Variants in RALGAPA2 observed in about 807,000 individuals in gnomAD.
The protein encoded by RALGAPA2 is ral GTPase-activating protein subunit alpha-2.
Under a neutral mutation model 230.4 loss-of-function variants are expected in RALGAPA2, and 139 were observed. The ratio of observed to expected loss-of-function variants is 0.60; its 90% confidence interval spans 0.53 to 0.69. The LOEUF (loss-of-function observed/expected upper bound fraction) is 0.69. Ranked by LOEUF, RALGAPA2 falls within the 30% of genes least tolerant of loss-of-function variation. RALGAPA2 has a pLI of 0.00. For synonymous variants in RALGAPA2, 847 were observed against 837.8 expected, an observed-to-expected ratio of 1.01 and a Z score of -0.19; for missense variants, 2,163 against 2,276.0, an observed-to-expected ratio of 0.95 and a Z score of 1.01.
chr20:20,420,666 A>C (rs1043928791), intron 37 of RALGAPA2, among the ~76,000 whole-genome samples: 5 of 152,160 alleles, frequency 3.3e-5, no homozygotes, highest in African/African-American at 1.2e-4. Context: ...GGCACTACAC[A>C]CAAGGAGGCA....
chr20:20,440,073 A>G (rs759664344), intron 37 of RALGAPA2, among the ~76,000 whole-genome samples: 35 of 152,192 alleles, frequency 2.3e-4, no homozygotes, highest in Non-Finnish European at 4.7e-4. Context: ...ATTTTCTTTT[A>G]TATCTCCACA....
intron 16 of RALGAPA2, 50 bp from the exon 17 acceptor site, chr20:20,591,364 A>G: frequency 6.4e-7 from 1 of 1,563,232 alleles, no homozygotes; most frequent in Non-Finnish European, 8.7e-7. Context: ...TTTTTAAAAA[A>G]CACATTCACC....
At position 20,532,911 on chromosome 20, in the gene RALGAPA2, C is replaced by T. The variant is rs554879051; in HGVS notation, c.3474-1116G>A. ...CATGCACTATTCAGGAAAAGAGTAA[C>T]GAGAGACTAGCTGCAGGCTTGGTAA... On this transcript the variant is annotated intron_variant, in intron 26 of 39. Coordinates refer to ENST00000202677, the MANE Select transcript of RALGAPA2 (RefSeq NM_020343.4). Among the ~76,000 whole-genome samples, 25 of 151,790 alleles carry T rather than the reference C, an allele frequency of 1.6e-4. No homozygotes were observed. The South Asian group carries it at 4.2e-3, about 25-fold the overall frequency.
chr20:20,506,074 C>G lies in RALGAPA2; in HGVS notation c.4929-540G>C, dbSNP rs369306134. 5.9e-5 allele frequency among the ~76,000 whole-genome samples: 9 copies of G among 152,196 alleles called. No homozygotes were observed. The East Asian group carries it at 1.7e-3, about 30-fold the overall frequency. On this transcript the variant is annotated intron_variant, in intron 33 of 39. Transcript: ENST00000202677. The stretch of plus-strand genomic sequence containing the variant: ...ATGAGAAAAAGAAGATCCTTCCAAG[C>G]GAACACACTTAGGTATTTTCTTCAT...
intron 35 of RALGAPA2, among the ~76,000 whole-genome samples, chr20:20,500,476 A>T (rs1284253775): frequency 2.6e-5 from 4 of 152,262 alleles, no homozygotes; most frequent in Non-Finnish European, 5.9e-5. Context: ...ATCCATAAGA[A>T]GCAACTTTTC....
At chr20:20,640,581 G>T in intron 6 of RALGAPA2, 120 bp downstream of exon 6, 1 of 953,972 alleles carries the variant, frequency 1.0e-6, no homozygotes, top group Non-Finnish European at 1.6e-6. Flanking sequence ...GAATATGAAA[G>T]GGGAATAATT....
At chr20:20,497,815 T>G (rs1055962619) in intron 35 of RALGAPA2, among the ~76,000 whole-genome samples, 7 of 152,186 alleles carry the variant, frequency 4.6e-5, no homozygotes, top group Non-Finnish European at 7.3e-5. Flanking sequence ...GGAAGAGCAA[T>G]TTTTGTGTGG....
rs370909570 is a variant in RALGAPA2, at chr20:20,629,528, C to T, written c.1068G>A (p.Glu356=). The change falls in exon 10 of 40, where the codon GAG becomes GAA. Residue 356 remains glutamate (E), a synonymous_variant. Transcript: ENST00000202677. ...APELDGGGPT[E]QDKSHSNSST... ...TGCTGTTAGAATGGCTTTTGTCCTGCTCCGTGGGCCCACCACCATCCAGCT... is the reference window on the plus strand; with the variant it reads ...TGCTGTTAGAATGGCTTTTGTCCTGTTCCGTGGGCCCACCACCATCCAGCT... 2.6e-5 allele frequency: 42 copies of T among 1,613,826 alleles called. No individual in the cohort carries two copies. Among genetic ancestry groups the T allele is most frequent in the Non-Finnish European group, 3.6e-5 (42 of 1,179,892 alleles).
chr20:20,663,148 A>G (rs1476583196), intron 3 of RALGAPA2, among the ~76,000 whole-genome samples: 1 of 152,192 alleles, frequency 6.6e-6, no homozygotes, highest in Non-Finnish European at 1.5e-5. Flanking sequence ...TTACAAACCA[A>G]AAGACTGCTT....
At chr20:20,499,903 G>A (rs1006854054) in intron 35 of RALGAPA2, among the ~76,000 whole-genome samples, 3 of 152,098 alleles carry the variant, frequency 2.0e-5, no homozygotes, top group African/African-American at 7.2e-5. Flanking sequence ...ATCCGCAATA[G>A]GTTTTTTAGA....
chr20:20,498,476 T>C (rs960947390), intron 35 of RALGAPA2, among the ~76,000 whole-genome samples: 1 of 152,242 alleles, frequency 6.6e-6, no homozygotes. Context: ...ACACCGGTCA[T>C]GGTACACACC....
intron 2 of RALGAPA2, 27 bp downstream of exon 2, chr20:20,680,664 T>TA: frequency 6.6e-7 from 1 of 1,507,596 alleles, no homozygotes; most frequent in South Asian, 1.3e-5. Context: ...CGAATGTTTT[T>TA]TAAAAAAAAA....
rs6081984 is a variant in RALGAPA2 at position 20,391,438 on chromosome 20, C to G, written c.*1851G>C. The G allele has an allele frequency of 1, 151,725 of 152,412 alleles. 75,525 individuals are homozygous for G. Among genetic ancestry groups the G allele is most frequent in the Middle Eastern group, 1 (294 of 294 alleles). The allele number at this position is 152,412 out of a possible 1,614,324, so 9.4% of individuals were successfully genotyped here. On this transcript the variant is annotated 3_prime_UTR_variant, in exon 40 of 40. Coordinates refer to ENST00000202677, the MANE Select transcript of RALGAPA2 (RefSeq NM_020343.4). Reference sequence around the variant, plus strand: ...CACTTTGGGGCACCCTCATTCTCTTCTGTTCAGGTGGTTCTCAAGGTGCTC... The same window carrying G: ...CACTTTGGGGCACCCTCATTCTCTTGTGTTCAGGTGGTTCTCAAGGTGCTC...
chr20:20,551,801 C>T, intron 23 of RALGAPA2, among the ~76,000 whole-genome samples: 1 of 152,148 alleles, frequency 6.6e-6, no homozygotes. Flanking sequence ...TATAATTGAC[C>T]TTTAGAGCGA....
chr20:20,629,357 A>G lies in RALGAPA2; in HGVS notation c.1233+6T>C. The G allele has an allele frequency of 6.5e-7, 1 of 1,542,888 alleles. No homozygotes were observed. The highest frequency in any genetic ancestry group is 8.8e-7 in the Non-Finnish European group (1 of 1,133,832). ...CACACACACACACACACACACACAC[A>G]CTAACCTGGTGAAATACTTCATTCA... On this transcript the variant is annotated splice_donor_region_variant and intron_variant, in intron 10 of 39. Transcript: ENST00000202677.
intron 10 of RALGAPA2, among the ~76,000 whole-genome samples, chr20:20,628,326 A>G (rs2066557486): frequency 1.3e-5 from 2 of 152,020 alleles, no homozygotes; most frequent in Non-Finnish European, 2.9e-5. Flanking sequence ...TCTCCTCCTC[A>G]CCTACAACTG....
At chr20:20,620,405 A>C (rs2066282940) in intron 11 of RALGAPA2, 58 bp downstream of exon 11, 1 of 1,549,254 alleles carries the variant, frequency 6.5e-7, no homozygotes, top group Non-Finnish European at 8.8e-7. Flanking sequence ...TGACTGAGCA[A>C]GTATACTTTA....
chr20:20,510,712 T>C (rs1328700713), intron 33 of RALGAPA2, among the ~76,000 whole-genome samples: 1 of 152,220 alleles, frequency 6.6e-6, no homozygotes. Context: ...GAAATGCTTC[T>C]GAGACAGTAT....
intron 5 of RALGAPA2, among the ~76,000 whole-genome samples, chr20:20,643,222 C>A (rs2067101715): frequency 6.6e-6 from 1 of 152,186 alleles, no homozygotes; most frequent in African/African-American, 2.4e-5. Context: ...GCAGTCAGTG[C>A]CTTGCCCATG....
Sources: allele counts gnomAD v4.1 joint callset (sites outside exome capture counted in the v4.1 genomes callset), GRCh38; gene constraint gnomAD v4.1.1; transcripts MANE v1.5; gene names NCBI Gene and HGNC (gene_info 2026-07-23, HGNC 2026-07-21).